The following INPP4B variants were observed in gnomAD, a reference collection of about 807,000 sequenced individuals.
The protein encoded by INPP4B is inositol polyphosphate 4-phosphatase type II.
Under a neutral mutation model 122.5 loss-of-function variants are expected in INPP4B, and 55 were observed. The observed-to-expected ratio is 0.45, with a 90% CI of 0.36 to 0.56. The LOEUF (loss-of-function observed/expected upper bound fraction) is 0.56, where lower values mean the gene tolerates loss of function less well. INPP4B is among the 20% of genes least tolerant of loss of function. INPP4B has a pLI of 0.00. For missense variants in INPP4B, 1,000 were observed against 1,097.7 expected, an observed-to-expected ratio of 0.91 and a Z score of 1.26; for synonymous variants, 403 against 388.7, an observed-to-expected ratio of 1.04 and a Z score of -0.43.
intron 5 of INPP4B, among the ~76,000 whole-genome samples, chr4:142,422,313 A>G (rs769191919): frequency 6.6e-6 from 1 of 152,124 alleles, no homozygotes; most frequent in Non-Finnish European, 1.5e-5. Flanking sequence ...AGTTACTTTT[A>G]ATATTATTAT....
At chr4:142,397,386 A>G (rs1799690960) in intron 7 of INPP4B, among the ~76,000 whole-genome samples, 1 of 151,992 alleles carries the variant, frequency 6.6e-6, no homozygotes. Context: ...AATAACAGCT[A>G]TTTTTTTTCC....
chr4:142,199,124 TA>T (rs1839639070), intron 14 of INPP4B, among the ~76,000 whole-genome samples: 1 of 152,110 alleles, frequency 6.6e-6, no homozygotes, highest in East Asian at 1.9e-4. Flanking sequence ...CAATGTAAAA[TA>T]TGGCATTGTG....
chr4:142,426,423 A>G (rs1808064390), intron 5 of INPP4B: 2 of 151,994 alleles, frequency 1.3e-5, no homozygotes, highest in African/African-American at 2.4e-5. Context: ...TTCTTTCTTT[A>G]TGAAAATAAA....
intron 2 of INPP4B, among the ~76,000 whole-genome samples, chr4:142,545,820 T>C (rs1829569680): frequency 1.8e-5 from 1 of 54,354 alleles, no homozygotes; most frequent in South Asian, 6.3e-4. Flanking sequence ...TATACATGTG[T>C]GTATATATAT....
intron 22 of INPP4B, among the ~76,000 whole-genome samples, chr4:142,109,190 T>C (rs1788763020): frequency 6.6e-6 from 1 of 151,886 alleles, no homozygotes; most frequent in Admixed American, 6.6e-5. Flanking sequence ...TATTTAATCA[T>C]ATCCAGTTTA....
chr4:142,572,721 C>T (rs1733091222), intron 2 of INPP4B, among the ~76,000 whole-genome samples: 3 of 152,074 alleles, frequency 2.0e-5, no homozygotes, highest in South Asian at 4.1e-4. Context: ...GATCCTTACA[C>T]TCTCAGTACC....
At position 142,387,045 on chromosome 4, in the gene INPP4B, G is replaced by A. The variant is rs146881623; in HGVS notation, c.372+15893C>T. ...TTTGAGCAAATTTTTGTTCCAAACTGGGTTTGACAGTTGTGACAGAAAGTG... is the reference window on the plus strand; with the variant it reads ...TTTGAGCAAATTTTTGTTCCAAACTAGGTTTGACAGTTGTGACAGAAAGTG... On this transcript the variant is annotated intron_variant, in intron 7 of 25. Coordinates refer to ENST00000262992, the MANE Select transcript of INPP4B (RefSeq NM_001101669.3). 5.0e-3 allele frequency among the ~76,000 whole-genome samples: 757 copies of A among 152,216 alleles called. 11 individuals carry two copies. Among genetic ancestry groups the A allele is most frequent in the African/African-American group, 0.018 (731 of 41,530 alleles).
chr4:142,490,186 T>C (rs116528286), intron 2 of INPP4B, among the ~76,000 whole-genome samples: 4,393 of 151,868 alleles, frequency 0.029, 245 homozygotes, highest in African/African-American at 0.1. Context: ...CCAGGCTCAA[T>C]TGATGCTCCC....
At chr4:142,392,497 T>C (rs1197833873) in intron 7 of INPP4B, among the ~76,000 whole-genome samples, 1 of 152,234 alleles carries the variant, frequency 6.6e-6, no homozygotes, top group Non-Finnish European at 1.5e-5. Context: ...ATGGTACATA[T>C]GTTGCCTCAT....
At chr4:142,146,867 C>T (rs1305061447) in intron 17 of INPP4B, among the ~76,000 whole-genome samples, 8 of 152,202 alleles carry the variant, frequency 5.3e-5, no homozygotes, top group Admixed American at 3.9e-4. Flanking sequence ...GTACCACTAA[C>T]GGGCCTCTTT....
At chr4:142,407,675 C>T (rs1423490492) in intron 5 of INPP4B, among the ~76,000 whole-genome samples, 1 of 152,068 alleles carries the variant, frequency 6.6e-6, no homozygotes, top group Non-Finnish European at 1.5e-5. Flanking sequence ...TCCTACAGCT[C>T]AGAGGATTTA....
chr4:142,188,508 AAAG>A (rs771997490), intron 15 of INPP4B, among the ~76,000 whole-genome samples: 2,196 of 92,768 alleles, frequency 0.024, 142 homozygotes, highest in African/African-American at 0.08. Flanking sequence ...AAAAAAAAAA[AAAG>A]AAAAAAAATA....
chr4:142,694,410 C>A (rs555385527), intron 2 of INPP4B, among the ~76,000 whole-genome samples: 39 of 149,614 alleles, frequency 2.6e-4, no homozygotes, highest in African/African-American at 8.8e-4. Context: ...AAAAAAAAAA[C>A]CCTTTAACTC....
intron 2 of INPP4B, among the ~76,000 whole-genome samples, chr4:142,639,039 T>C (rs1209898640): frequency 2.0e-5 from 3 of 152,192 alleles, no homozygotes; most frequent in Non-Finnish European, 1.5e-5. Flanking sequence ...GACATGATCA[T>C]ATGGTTTTTC....
chr4:142,057,021 A>T (rs1397497311), intron 25 of INPP4B, among the ~76,000 whole-genome samples: 1 of 152,114 alleles, frequency 6.6e-6, no homozygotes, highest in Admixed American at 6.6e-5. Flanking sequence ...TTGAGAGGTC[A>T]TTTGTGCTAA....
intron 1 of INPP4B, among the ~76,000 whole-genome samples, chr4:142,796,401 G>T (rs1343789639): frequency 7.2e-5 from 11 of 152,038 alleles, no homozygotes; most frequent in African/African-American, 2.4e-4. Context: ...CAGGGAGAAA[G>T]TTGCTGGAAA....
chr4:142,842,425 T>C (rs916697403), intron 1 of INPP4B, among the ~76,000 whole-genome samples: 3 of 150,054 alleles, frequency 2.0e-5, no homozygotes, highest in African/African-American at 4.9e-5. Context: ...AGATATTCCA[T>C]TGGCCTTATG....
chr4:142,595,091 AT>A (rs202187180), intron 2 of INPP4B, among the ~76,000 whole-genome samples: 4 of 151,294 alleles, frequency 2.6e-5, no homozygotes, highest in African/African-American at 9.7e-5. Context: ...ATTATTTTGC[AT>A]TTTTTTGTAT....
chr4:142,071,151 G>C (rs1424233584), intron 25 of INPP4B, among the ~76,000 whole-genome samples: 1 of 152,038 alleles, frequency 6.6e-6, no homozygotes, highest in Non-Finnish European at 1.5e-5. Context: ...TAGACCAATG[G>C]AACAAAACAG....
Sources: allele counts gnomAD v4.1 joint callset (sites outside exome capture counted in the v4.1 genomes callset), GRCh38; gene constraint gnomAD v4.1.1; transcripts MANE v1.5; gene names NCBI Gene and HGNC (gene_info 2026-07-23, HGNC 2026-07-21).